PLPPR4: variants seen among roughly 807,000 people sequenced by gnomAD.
PLPPR4 encodes the protein phospholipid phosphatase-related protein type 4.
A neutral mutation model predicts 56.6 loss-of-function variants in PLPPR4; 24 were observed. That is an observed-to-expected ratio of 0.42 (90% CI 0.31 to 0.60). The LOEUF is 0.60. PLPPR4 is among the 20% of genes least tolerant of loss of function. The pLI is 0.13. For synonymous variants in PLPPR4, 326 were observed against 328.1 expected, an observed-to-expected ratio of 0.99 and a Z score of 0.07; for missense variants, 654 against 885.8, an observed-to-expected ratio of 0.74 and a Z score of 3.32.
At chr1:99,276,561 A>G (rs1659190257) in intron 1 of PLPPR4, among the ~76,000 whole-genome samples, 1 of 152,116 alleles carries the variant, frequency 6.6e-6, no homozygotes, top group South Asian at 2.1e-4. Flanking sequence ...TCAAAATCAG[A>G]AATTTGCTTC....
At chr1:99,262,980 G>A (rs1658799655), upstream of PLPPR4, among the ~76,000 whole-genome samples, 2 of 152,094 alleles carry the variant, frequency 1.3e-5, no homozygotes. Context: ...GGGGGTGAGG[G>A]CAAGCACTGA....
Position 99,306,434 on chromosome 1 carries a change from C to T in PLPPR4, c.1572C>T (p.Ser524=), listed in dbSNP as rs763160591. ...EKTVACNRSN[S]QPRIMQVIAM... is the part of the protein sequence containing the mutation. ...CTGTGGCCTGTAACAGAAGCAACAG[C>T]CAGCCCCGAATCATGCAAGTCATAG... Residue 524 remains serine (S), a synonymous_variant, in exon 7 of 7, where the codon AGC becomes AGT. Transcript: ENST00000370185. This position sits in a 1 kb window ranked among gnomAD's most constrained non-coding sequence, Gnocchi z 4.0. 2.2e-5 allele frequency: 36 copies of T among 1,614,056 alleles called. No individual in the cohort carries two copies. In the Middle Eastern group the frequency reaches 9.9e-4, roughly 44 times the overall value.
chr1:99,267,727 A>G (rs1216844179), intron 1 of PLPPR4, among the ~76,000 whole-genome samples: 1 of 152,182 alleles, frequency 6.6e-6, no homozygotes, highest in Non-Finnish European at 1.5e-5. Context: ...AAGAGTTCCC[A>G]TTGTTGAGAA....
intron 1 of PLPPR4, among the ~76,000 whole-genome samples, chr1:99,281,314 G>C (rs1174273526): frequency 1.3e-5 from 2 of 152,074 alleles, no homozygotes; most frequent in African/African-American, 4.8e-5. Flanking sequence ...GTTTCAATTT[G>C]TATCTATTCA....
intron 2 of PLPPR4, among the ~76,000 whole-genome samples, chr1:99,293,544 G>A (rs1269794162): frequency 6.6e-6 from 1 of 151,964 alleles, no homozygotes; most frequent in Non-Finnish European, 1.5e-5. Flanking sequence ...AGAAAAAAAA[G>A]GGCGCTTTTT....
chr1:99,298,587 A>G (rs1392688956), intron 3 of PLPPR4, among the ~76,000 whole-genome samples: 2 of 152,138 alleles, frequency 1.3e-5, no homozygotes, highest in Non-Finnish European at 2.9e-5. Flanking sequence ...GCTTGAAGAG[A>G]ATTAGAATGG....
intron 6 of PLPPR4, among the ~76,000 whole-genome samples, chr1:99,304,132 T>C (rs993227940): frequency 3.9e-5 from 6 of 152,224 alleles, no homozygotes; most frequent in African/African-American, 1.4e-4. Context: ...ATGTGTCACA[T>C]AATGATATTT....
At chr1:99,271,675 G>A (rs1184416029) in intron 1 of PLPPR4, among the ~76,000 whole-genome samples, 1 of 152,074 alleles carries the variant, frequency 6.6e-6, no homozygotes, top group Non-Finnish European at 1.5e-5. Context: ...CGTCCTCTGG[G>A]CAAGCACAAA....
chr1:99,274,171 C>A (rs1040900428), intron 1 of PLPPR4, among the ~76,000 whole-genome samples: 2 of 151,238 alleles, frequency 1.3e-5, no homozygotes, highest in African/African-American at 4.9e-5. Flanking sequence ...TTTTTTTTTA[C>A]TTTTTTAAAA....
At chr1:99,288,480 GTTTA>G (rs3078533) in intron 2 of PLPPR4, among the ~76,000 whole-genome samples, 11,416 of 152,028 alleles carry the variant, frequency 0.075, 605 homozygotes, top group East Asian at 0.16. Flanking sequence ...CTTTACATGT[GTTTA>G]TTTAGTATCT....
In PLPPR4 at chr1:99,264,588, G is replaced by A. The variant is rs553029810; in HGVS notation, c.-6G>A. The A allele has an allele frequency of 6.4e-7, 1 of 1,550,888 alleles. No individual in the cohort carries two copies. Among genetic ancestry groups the A allele is most frequent in the African/African-American group, 1.4e-5 (1 of 73,194 alleles). ...GGGAGGACGCAGACCCGGGCAGGCG[G>A]CAGGGATGTCGGCGAAGGAGAGGCC... On this transcript the variant is annotated 5_prime_UTR_variant, in exon 1 of 7. Coordinates refer to ENST00000370185, the MANE Select transcript of PLPPR4 (RefSeq NM_014839.5).
chr1:99,288,300 G>T, intron 2 of PLPPR4, 150 bp downstream of exon 2: 1 of 599,266 alleles, frequency 1.7e-6, no homozygotes, highest in South Asian at 2.8e-5. Flanking sequence ...AGTATCATGT[G>T]GAAGTTAATA....
At position 99,307,562 on chromosome 1, in the gene PLPPR4, T is replaced by C. The variant is rs1468413668; in HGVS notation, c.*552T>C. 1 of 152,730 alleles carries C rather than the reference T, an allele frequency of 6.5e-6. No homozygotes were observed. Among genetic ancestry groups the C allele is most frequent in the Non-Finnish European group, 1.5e-5 (1 of 68,378 alleles). The allele number at this position is 152,730 out of a possible 1,614,324, so 9.5% of individuals were successfully genotyped here. ...CCTTGTTAAAGAAATGCTACTTTAT[T>C]AAGAAGATGCTGGCTGCTTTGTGTT... On this transcript the variant is annotated 3_prime_UTR_variant, in exon 7 of 7. Transcript: ENST00000370185.
At chr1:99,271,899 AGTGTGTGTGTGTGT>A (rs553822029) in intron 1 of PLPPR4, among the ~76,000 whole-genome samples, 18 of 117,952 alleles carry the variant, frequency 1.5e-4, no homozygotes, top group Admixed American at 5.4e-4. Flanking sequence ...GTAGGAGTGA[AGTGTGTGTGTGTGT>A]GTGTGTGTGT....
rs1660033607 is a variant in PLPPR4, at chr1:99,306,463, T to C, written c.1601T>C (p.Met534Thr). ...CCCCGAATCATGCAAGTCATAGCCA[T>C]GTCCAAGCAGCAGGGTGTCCTCCAA... is the stretch of plus-strand genomic sequence containing the variant. ...SQPRIMQVIA[M>T]SKQQGVLQSS... Residue 534 changes from methionine to threonine, a missense_variant, in exon 7 of 7, where the codon ATG becomes ACG. Coordinates refer to ENST00000370185, the MANE Select transcript of PLPPR4 (RefSeq NM_014839.5). This position sits in a 1 kb window ranked among gnomAD's most constrained non-coding sequence, Gnocchi z 4.0. 6.2e-7 allele frequency: 1 copy of C among 1,614,094 alleles called. No homozygotes were observed. Among genetic ancestry groups the C allele is most frequent in the African/African-American group, 1.3e-5 (1 of 75,020 alleles).
chr1:99,292,293 T>C (rs1659643085), intron 2 of PLPPR4, among the ~76,000 whole-genome samples: 1 of 152,206 alleles, frequency 6.6e-6, no homozygotes, highest in African/African-American at 2.4e-5. Context: ...GACAATAACC[T>C]TGGTGTCATC....
At chr1:99,281,604 T>C (rs772069476) in intron 1 of PLPPR4, among the ~76,000 whole-genome samples, 8 of 152,134 alleles carry the variant, frequency 5.3e-5, no homozygotes, top group Non-Finnish European at 1.0e-4. Flanking sequence ...AGGCAAAAAA[T>C]ACTACAGGAT....
At chr1:99,272,994 T>C (rs1402660479) in intron 1 of PLPPR4, among the ~76,000 whole-genome samples, 1 of 152,172 alleles carries the variant, frequency 6.6e-6, no homozygotes, top group Admixed American at 6.5e-5. Flanking sequence ...CTGTGAAATG[T>C]CTAATTATGA....
At chr1:99,294,792 G>A (rs1309077573) in intron 2 of PLPPR4, among the ~76,000 whole-genome samples, 1 of 151,420 alleles carries the variant, frequency 6.6e-6, no homozygotes, top group East Asian at 1.9e-4. Flanking sequence ...TTTCTATACA[G>A]ATAAATTCTT....
Sources: gnomAD v4.1 joint callset for allele counts (sites outside exome capture counted in the v4.1 genomes callset) on GRCh38, gnomAD v4.1.1 for gene constraint, Gnocchi (gnomAD v3.1) non-coding constraint, MANE v1.5 for transcripts, NCBI Gene and HGNC (gene_info 2026-07-23, HGNC 2026-07-21) for gene names.